The following SLC35F3 variants were observed in gnomAD, a reference collection of about 807,000 sequenced individuals.
SLC35F3 encodes the protein solute carrier family 35 member F3, also known as putative thiamine transporter SLC35F3.
Under a neutral mutation model 49.9 loss-of-function variants are expected in SLC35F3, and 25 were observed. That is an observed-to-expected ratio of 0.50 (90% CI 0.37 to 0.70). The LOEUF (loss-of-function observed/expected upper bound fraction) is 0.70. Among genes scored for constraint, SLC35F3 ranks in the 30% least tolerant of loss-of-function variants. SLC35F3 has a pLI of 0.00. For synonymous variants in SLC35F3, 275 were observed against 265.4 expected, an observed-to-expected ratio of 1.04 and a Z score of -0.35; for missense variants, 525 against 639.8, an observed-to-expected ratio of 0.82 and a Z score of 1.94.
At chr1:234,172,226 A>G (rs1572080268) in intron 2 of SLC35F3, among the ~76,000 whole-genome samples, 1 of 152,054 alleles carries the variant, frequency 6.6e-6, no homozygotes, top group African/African-American at 2.4e-5. Flanking sequence ...GAACACATCA[A>G]TTATTTTTTA....
chr1:234,017,700 C>T (rs535805734), intron 2 of SLC35F3, among the ~76,000 whole-genome samples: 4 of 114,674 alleles, frequency 3.5e-5, no homozygotes, highest in African/African-American at 1.3e-4. Flanking sequence ...GGAGACAGAG[C>T]GAGACTTTGT....
At chr1:234,140,930 G>C (rs930127188) in intron 2 of SLC35F3, among the ~76,000 whole-genome samples, 6 of 152,222 alleles carry the variant, frequency 3.9e-5, no homozygotes, top group Non-Finnish European at 1.5e-5. Flanking sequence ...TAGAATCCTT[G>C]ATGTGTATGC....
At chr1:234,089,079 G>A (rs764629937) in intron 2 of SLC35F3, among the ~76,000 whole-genome samples, 3 of 152,150 alleles carry the variant, frequency 2.0e-5, no homozygotes, top group African/African-American at 7.2e-5. Flanking sequence ...CCAGGTAATC[G>A]TTTATGCACA....
At chr1:234,141,572 A>G (rs1665914442) in intron 2 of SLC35F3, among the ~76,000 whole-genome samples, 1 of 152,174 alleles carries the variant, frequency 6.6e-6, no homozygotes, top group South Asian at 2.1e-4. Context: ...TGCTAAGAAC[A>G]CTTAGTCTGA....
intron 2 of SLC35F3, among the ~76,000 whole-genome samples, chr1:233,917,112 A>G (rs1020898772): frequency 1.4e-4 from 22 of 152,260 alleles, no homozygotes; most frequent in Admixed American, 4.6e-4. Context: ...AGACATATAC[A>G]TCTCGATCCG....
chr1:234,229,040 G>T (rs1034656938), intron 2 of SLC35F3, among the ~76,000 whole-genome samples: 3 of 152,092 alleles, frequency 2.0e-5, no homozygotes, highest in African/African-American at 4.8e-5. Context: ...TTCTTTATGG[G>T]TATATTCCAG....
At chr1:233,917,620 G>A (rs1661993636) in intron 2 of SLC35F3, among the ~76,000 whole-genome samples, 1 of 152,158 alleles carries the variant, frequency 6.6e-6, no homozygotes, top group Non-Finnish European at 1.5e-5. Context: ...AACTAACATG[G>A]ACTAGAATTT....
chr1:234,221,460 G>A (rs1667202906), intron 2 of SLC35F3, among the ~76,000 whole-genome samples: 1 of 152,170 alleles, frequency 6.6e-6, no homozygotes, highest in South Asian at 2.1e-4. Flanking sequence ...AGCTTAATGG[G>A]CAAAGACAAG....
At chr1:234,143,469 T>C (rs1229892133) in intron 2 of SLC35F3, among the ~76,000 whole-genome samples, 1 of 152,000 alleles carries the variant, frequency 6.6e-6, no homozygotes, top group Non-Finnish European at 1.5e-5. Flanking sequence ...TTTGTATTTT[T>C]AGTAGAGACG....
In SLC35F3 at chr1:233,992,809, C is replaced by T. The variant is rs1185146153; in HGVS notation, c.283+87051C>T. ...GGGACAGGGATTATTACAAGAGCATCTTAGAAAAGAGAGGGCATCTGGAGT... is the reference window on the plus strand; with the variant it reads ...GGGACAGGGATTATTACAAGAGCATTTTAGAAAAGAGAGGGCATCTGGAGT... On this transcript the variant is annotated intron_variant, in intron 2 of 7. Coordinates refer to ENST00000366618, the MANE Select transcript of SLC35F3 (RefSeq NM_173508.4). Among the ~76,000 whole-genome samples the T allele has an allele frequency of 7.2e-5, 11 of 152,030 alleles. 1 individual carries two copies. Among genetic ancestry groups the T allele is most frequent in the Admixed American group, 7.2e-4 (11 of 15,272 alleles).
At chr1:234,043,279 A>T (rs1664247809) in intron 2 of SLC35F3, among the ~76,000 whole-genome samples, 1 of 152,178 alleles carries the variant, frequency 6.6e-6, no homozygotes, top group South Asian at 2.1e-4. Context: ...CATTCTTAAA[A>T]ATTATTCAAG....
chr1:233,939,099 A>G (rs144078973), intron 2 of SLC35F3, among the ~76,000 whole-genome samples: 1 of 152,240 alleles, frequency 6.6e-6, no homozygotes, highest in Non-Finnish European at 1.5e-5. Flanking sequence ...AGCTCTTAGA[A>G]CACTAACTTA....
chr1:234,130,936 T>TA (rs199697362), intron 2 of SLC35F3, among the ~76,000 whole-genome samples: 1 of 124,074 alleles, frequency 8.1e-6, no homozygotes, highest in East Asian at 1.9e-4. Context: ...ATAGAATGGA[T>TA]AAAAAAAATT....
intron 2 of SLC35F3, among the ~76,000 whole-genome samples, chr1:233,964,026 C>A (rs1302059643): frequency 6.6e-6 from 1 of 152,178 alleles, no homozygotes; most frequent in East Asian, 1.9e-4. Context: ...AAGTTACTCT[C>A]TATATAAACC....
intron 2 of SLC35F3, among the ~76,000 whole-genome samples, chr1:234,170,289 C>A (rs950434203): frequency 6.6e-6 from 1 of 152,166 alleles, no homozygotes; most frequent in Admixed American, 6.5e-5. Context: ...CACGGCAGCT[C>A]GTAGGGGTTA....
Position 234,323,343 on chromosome 1 carries a change from A to G in SLC35F3, c.*100A>G, listed in dbSNP as rs1248276382. Reference sequence around the variant, plus strand: ...TGTACATACCTGTACAGTTTTGGTCATCTGCGGTAAGTTCTATGGTATTTA... The same window carrying G: ...TGTACATACCTGTACAGTTTTGGTCGTCTGCGGTAAGTTCTATGGTATTTA... On this transcript the variant is annotated 3_prime_UTR_variant, in exon 8 of 8. Coordinates refer to ENST00000366618, the MANE Select transcript of SLC35F3 (RefSeq NM_173508.4). The surrounding 1 kb of genome is among the most constrained non-coding windows in gnomAD (Gnocchi z 4.5). 5 of 1,006,280 alleles carry G rather than the reference A, an allele frequency of 5.0e-6. No homozygotes were observed. The highest frequency in any genetic ancestry group is 7.3e-6 in the Non-Finnish European group (5 of 680,510). 62.3% of individuals were successfully genotyped at this position (1,006,280 alleles called of 1,614,324 possible). A position where few individuals can be genotyped will look rare whatever the true frequency, so the allele number is the denominator to read the frequency against.
At chr1:234,250,304 T>G (rs965371472) in intron 3 of SLC35F3, among the ~76,000 whole-genome samples, 5 of 152,238 alleles carry the variant, frequency 3.3e-5, no homozygotes, top group African/African-American at 1.2e-4. Flanking sequence ...GGCCCCTGTC[T>G]TCGCCTGTTT....
chr1:234,018,469 TC>T (rs757776905), intron 2 of SLC35F3, among the ~76,000 whole-genome samples: 38 of 152,294 alleles, frequency 2.5e-4, no homozygotes, highest in South Asian at 1.9e-3. Flanking sequence ...CTATATGTTC[TC>T]CTGCTTCTCC....
In SLC35F3 at chr1:233,905,023, C is replaced by T. The variant is rs1661747414; in HGVS notation, c.-55C>T. On this transcript the variant is annotated 5_prime_UTR_variant, in exon 1 of 8. Coordinates refer to ENST00000366618, the MANE Select transcript of SLC35F3 (RefSeq NM_173508.4). ...GCTAGCGGCTGCAGGGAGCTCCGGC[C>T]CGCGGCCCCTCCGCCTCAAGTCTGG... 1.3e-6 allele frequency: 2 copies of T among 1,535,470 alleles called. No individual in the cohort carries two copies. The highest frequency in any genetic ancestry group is 2.0e-5 in the Admixed American group (1 of 50,570).
Sources: allele counts gnomAD v4.1 joint callset (sites outside exome capture counted in the v4.1 genomes callset), GRCh38; gene constraint gnomAD v4.1.1; non-coding constraint Gnocchi (gnomAD v3.1); transcripts MANE v1.5; gene names NCBI Gene and HGNC (gene_info 2026-07-23, HGNC 2026-07-21).